The following MATR3 variants were observed in gnomAD, a reference collection of about 807,000 sequenced individuals.
MATR3 encodes the protein matrin-3.
In MATR3, 4 loss-of-function variants were observed where a neutral mutation model predicts 85.5. That is an observed-to-expected ratio of 0.05 (90% CI 0.02 to 0.11). The LOEUF (loss-of-function observed/expected upper bound fraction) is 0.11, where lower values mean the gene tolerates loss of function less well. Among genes scored for constraint, MATR3 ranks in the 10% least tolerant of loss-of-function variants. MATR3 has a pLI of 1.00. For missense variants in MATR3, 685 were observed against 1,016.1 expected (o/e 0.67, Z 4.43); for synonymous variants, 336 against 343.1 (o/e 0.98, Z 0.23).
intron 5 of MATR3, 109 bp from the exon 6 acceptor site, chr5:139,316,944 T>TTTG (rs1581247479): frequency 2.4e-6 from 2 of 827,006 alleles, no homozygotes; most frequent in East Asian, 5.3e-5. Context: ...TAATCATATA[T>TTTG]TTGTAAGAGC....
Position 139,308,376 on chromosome 5 carries a change from T to G in MATR3, c.912+49T>G, listed in dbSNP as rs75817594. 123 of 1,601,198 alleles carry G rather than the reference T, an allele frequency of 7.7e-5. No individual in the cohort carries two copies. The East Asian group carries it at 2.3e-3, about 29-fold the overall frequency. ...CTAATTTCTTTTACATTGTAGTGCC[T>G]ATTTACCTATATCTTTGACTCTAAT... On this transcript the variant is annotated intron_variant, in intron 2 of 14. Coordinates refer to ENST00000394805, the MANE Select transcript of MATR3 (RefSeq NM_018834.6).
chr5:139,317,376 A>G (rs1339513173), intron 6 of MATR3, among the ~76,000 whole-genome samples: 5 of 152,220 alleles, frequency 3.3e-5, no homozygotes, highest in Non-Finnish European at 5.9e-5. Context: ...TACAGAGAGT[A>G]TGTTTTGACA....
At chr5:139,300,159 T>G (rs1019624334) in intron 1 of MATR3, among the ~76,000 whole-genome samples, 4 of 152,182 alleles carry the variant, frequency 2.6e-5, no homozygotes, top group African/African-American at 9.7e-5. Context: ...GGTCAGGAGT[T>G]CGAGACCAGT....
Position 139,326,303 on chromosome 5 carries a change from C to G in MATR3, c.2493+19C>G. 1.2e-6 allele frequency: 2 copies of G among 1,610,364 alleles called. No homozygotes were observed. The highest frequency in any genetic ancestry group is 4.5e-5 in the East Asian group (2 of 44,710). On this transcript the variant is annotated intron_variant, in intron 14 of 14. Coordinates refer to ENST00000394805, the MANE Select transcript of MATR3 (RefSeq NM_018834.6). ...ATTAAAGGTAAGGTTGAATGTAAAA[C>G]AGTTCTTTTGTGAAAACTTAACAAG...
intron 14 of MATR3, 26 bp from the exon 15 acceptor site, chr5:139,329,319 A>G (rs754368304): frequency 1.3e-6 from 2 of 1,559,682 alleles, no homozygotes; most frequent in South Asian, 2.2e-5. Flanking sequence ...AGGTGACTTA[A>G]TGGCTGTAAT....
At chr5:139,289,728 G>A (rs563817568), upstream of MATR3, among the ~76,000 whole-genome samples, 2 of 152,154 alleles carry the variant, frequency 1.3e-5, no homozygotes, top group South Asian at 2.1e-4. Flanking sequence ...CTGCCAATTC[G>A]TTGTGCTGAA....
upstream of MATR3, among the ~76,000 whole-genome samples, chr5:139,288,798 G>A (rs1462528262): frequency 6.6e-6 from 1 of 151,990 alleles, no homozygotes; most frequent in Non-Finnish European, 1.5e-5. Context: ...CTGCCACCAC[G>A]CCCAGCTAAT....
At chr5:139,294,244 G>T (rs185185246) in intron 1 of MATR3, 21 of 411,600 alleles carry the variant, frequency 5.1e-5, no homozygotes, top group African/African-American at 3.1e-4. Context: ...TACACTGGGG[G>T]CTTGCCGTTT....
intron 1 of MATR3, among the ~76,000 whole-genome samples, chr5:139,302,898 T>C (rs1754522970): frequency 2.0e-5 from 3 of 152,224 alleles, no homozygotes; most frequent in Admixed American, 6.5e-5. Context: ...TATAAGAAAC[T>C]GTAGTTTTCT....
chr5:139,318,854 A>G lies in MATR3; in HGVS notation c.1309-54A>G, dbSNP rs148896805. 2.2e-3 allele frequency: 3,554 copies of G among 1,587,152 alleles called. 7 individuals are homozygous for G. Among genetic ancestry groups the G allele is most frequent in the Non-Finnish European group, 2.9e-3 (3,346 of 1,156,438 alleles). Reference sequence around the variant, plus strand: ...TTTAGGAAAAAAAATCTTTAGTTCAATGTGAGAAAGCTGATTGGAAAAAAC... The same window carrying G: ...TTTAGGAAAAAAAATCTTTAGTTCAGTGTGAGAAAGCTGATTGGAAAAAAC... On this transcript the variant is annotated intron_variant, in intron 7 of 14. Coordinates refer to ENST00000394805, the MANE Select transcript of MATR3 (RefSeq NM_018834.6).
intron 2 of MATR3, chr5:139,314,140 C>G (rs1040228757): frequency 4.4e-5 from 7 of 157,570 alleles, no homozygotes; most frequent in Admixed American, 6.1e-5. Context: ...TGGTTTCAAA[C>G]TCCTGGTCTC....
At chr5:139,275,402 T>C (rs1753238511) in intron 1 of MATR3, among the ~76,000 whole-genome samples, 1 of 152,026 alleles carries the variant, frequency 6.6e-6, no homozygotes, top group African/African-American at 2.4e-5. Flanking sequence ...AAGTGCTGTT[T>C]TTATTGTCCT....
chr5:139,327,478 A>G (rs1405516226), intron 14 of MATR3, among the ~76,000 whole-genome samples: 3 of 152,250 alleles, frequency 2.0e-5, no homozygotes, highest in Admixed American at 6.5e-5. Context: ...CTGAAGTGCA[A>G]TGGCGCGATT....
chr5:139,294,524 C>A (rs1754041071), intron 1 of MATR3: 1 of 152,752 alleles, frequency 6.5e-6, no homozygotes, highest in African/African-American at 2.4e-5. Flanking sequence ...TTCCTCCCCG[C>A]CCCCCATCGC....
intron 2 of MATR3, chr5:139,278,613 A>G: frequency 2.8e-6 from 1 of 358,784 alleles, no homozygotes; most frequent in Non-Finnish European, 5.6e-6. Flanking sequence ...TGAATGTTGC[A>G]TAAAACAACT....
At chr5:139,313,445 A>C (rs1333071612) in intron 2 of MATR3, 1 of 151,784 alleles carries the variant, frequency 6.6e-6, no homozygotes, top group Admixed American at 6.6e-5. Context: ...GTCCCAGTGA[A>C]TTTAAATAAC....
At chr5:139,299,842 GA>G (rs1365124650) in intron 1 of MATR3, 1 of 152,204 alleles carries the variant, frequency 6.6e-6, no homozygotes, top group African/African-American at 2.4e-5. Flanking sequence ...AGAGAGAATA[GA>G]AAGGTAAGAT....
chr5:139,311,556 A>AAAC (rs1480395760), intron 2 of MATR3: 1 of 152,026 alleles, frequency 6.6e-6, no homozygotes, highest in Non-Finnish European at 1.5e-5. Context: ...CTAAGTTTGA[A>AAAC]CCTTTAAACA....
At chr5:139,328,280 G>A (rs939375168) in intron 14 of MATR3, among the ~76,000 whole-genome samples, 3 of 151,754 alleles carry the variant, frequency 2.0e-5, no homozygotes, top group African/African-American at 7.3e-5. Context: ...ATGTTTGTGG[G>A]GTGATTTTTT....
Sources: allele counts gnomAD v4.1 joint callset (sites outside exome capture counted in the v4.1 genomes callset), GRCh38; gene constraint gnomAD v4.1.1; transcripts MANE v1.5; gene names NCBI Gene and HGNC (gene_info 2026-07-23, HGNC 2026-07-21).